Variants in SPATA17 observed in about 807,000 individuals in gnomAD.
SPATA17 encodes spermatogenesis-associated protein 17.
In SPATA17, 53 loss-of-function variants were observed where a neutral mutation model predicts 62.2. That is an observed-to-expected ratio of 0.85 (90% CI 0.68 to 1.07). SPATA17 has a LOEUF of 1.07. Among genes scored for constraint, SPATA17 ranks in the 50% least tolerant of loss-of-function variants. SPATA17 has a pLI of 0.00. For synonymous variants in SPATA17, 146 were observed against 146.8 expected, an observed-to-expected ratio of 0.99 and a Z score of 0.04; for missense variants, 466 against 425.5, an observed-to-expected ratio of 1.10 and a Z score of -0.84.
intron 1 of SPATA17, among the ~76,000 whole-genome samples, chr1:217,637,375 A>G (rs1199458587): frequency 6.6e-6 from 1 of 152,130 alleles, no homozygotes; most frequent in Non-Finnish European, 1.5e-5. Flanking sequence ...TAAATTATTA[A>G]GTTTCTGCCG....
intron 8 of SPATA17, among the ~76,000 whole-genome samples, chr1:217,797,930 G>C (rs570772701): frequency 6.6e-6 from 1 of 152,120 alleles, no homozygotes; most frequent in African/African-American, 2.4e-5. Context: ...CTTTTAAGCA[G>C]ATATTCTGGG....
At chr1:217,694,769 T>A (rs1472974588) in intron 5 of SPATA17, among the ~76,000 whole-genome samples, 3 of 148,332 alleles carry the variant, frequency 2.0e-5, no homozygotes, top group African/African-American at 7.4e-5. Context: ...TTTGGCTGGA[T>A]ATGAAATTCT....
chr1:217,750,397 C>A (rs1258583186), intron 6 of SPATA17, among the ~76,000 whole-genome samples: 1 of 151,982 alleles, frequency 6.6e-6, no homozygotes, highest in Non-Finnish European at 1.5e-5. Context: ...GTAATGCATT[C>A]ATGGAATGTC....
At position 217,844,973 on chromosome 1, in the gene SPATA17, A is replaced by G. The variant is rs146383504; in HGVS notation, c.1006-17801A>G. Among the ~76,000 whole-genome samples, 162 of 152,144 alleles carry G rather than the reference A, an allele frequency of 1.1e-3. No homozygotes were observed. The Middle Eastern group carries it at 0.034, about 32-fold the overall frequency. ...CTAATTCAACTTGAAATAGCCAAAT[A>G]CTACATGCATAATGAATTTTAATTC... On this transcript the variant is annotated intron_variant, in intron 9 of 10. Transcript: ENST00000366933.
intron 5 of SPATA17, among the ~76,000 whole-genome samples, chr1:217,719,118 A>G (rs560906767): frequency 6.6e-6 from 1 of 152,352 alleles, no homozygotes; most frequent in Non-Finnish European, 1.5e-5. Context: ...CTAGTGGGCT[A>G]CTAGAACAAT....
At chr1:217,797,673 C>A (rs1167587590) in intron 8 of SPATA17, among the ~76,000 whole-genome samples, 1 of 152,234 alleles carries the variant, frequency 6.6e-6, no homozygotes, top group African/African-American at 2.4e-5. Flanking sequence ...TAAATTAAAT[C>A]AATGTCATTT....
chr1:217,850,184 G>A (rs997176857), intron 9 of SPATA17, among the ~76,000 whole-genome samples: 8 of 152,242 alleles, frequency 5.3e-5, no homozygotes, highest in South Asian at 2.1e-4. Context: ...AAGTACAGTC[G>A]TGTACAACTT....
chr1:217,656,021 G>T (rs1321716128), intron 3 of SPATA17, among the ~76,000 whole-genome samples: 3 of 151,900 alleles, frequency 2.0e-5, no homozygotes, highest in Non-Finnish European at 4.4e-5. Context: ...GGGATTACAG[G>T]TGCCTCCCCC....
At chr1:217,829,420 G>T (rs1001876012) in intron 9 of SPATA17, among the ~76,000 whole-genome samples, 1 of 151,616 alleles carries the variant, frequency 6.6e-6, no homozygotes, top group African/African-American at 2.4e-5. Flanking sequence ...CTGAGGTCAG[G>T]AGTTCAAGAC....
chr1:217,858,382 T>G (rs1398268317), intron 9 of SPATA17, among the ~76,000 whole-genome samples: 1 of 152,150 alleles, frequency 6.6e-6, no homozygotes, highest in Non-Finnish European at 1.5e-5. Context: ...AAAATACTAG[T>G]GTTAAGAGCC....
chr1:217,821,489 C>T (rs897922452), intron 9 of SPATA17, among the ~76,000 whole-genome samples: 5 of 151,964 alleles, frequency 3.3e-5, no homozygotes, highest in East Asian at 1.9e-4. Context: ...GAAAAAGCCC[C>T]ATAGATTTAG....
At chr1:217,640,731 G>T (rs1017138907) in intron 1 of SPATA17, among the ~76,000 whole-genome samples, 1 of 152,036 alleles carries the variant, frequency 6.6e-6, no homozygotes, top group Non-Finnish European at 1.5e-5. Context: ...CAGTTTAAAA[G>T]AGTGAAACAT....
intron 9 of SPATA17, among the ~76,000 whole-genome samples, chr1:217,809,965 G>T (rs1240863980): frequency 6.6e-6 from 1 of 152,056 alleles, no homozygotes; most frequent in Non-Finnish European, 1.5e-5. Flanking sequence ...ATAAACATTT[G>T]TTGTTTTTAT....
intron 9 of SPATA17, among the ~76,000 whole-genome samples, chr1:217,802,341 T>C (rs921719152): frequency 1.3e-5 from 2 of 152,238 alleles, no homozygotes; most frequent in African/African-American, 4.8e-5. Flanking sequence ...TCATATGCAC[T>C]TTCATAACAG....
intron 5 of SPATA17, among the ~76,000 whole-genome samples, chr1:217,732,500 G>A (rs1162398743): frequency 2.0e-5 from 3 of 152,114 alleles, no homozygotes; most frequent in African/African-American, 7.2e-5. Context: ...TATATGAAAT[G>A]GGAACTGTAG....
chr1:217,837,397 A>T (rs1675285629), intron 9 of SPATA17, among the ~76,000 whole-genome samples: 1 of 152,104 alleles, frequency 6.6e-6, no homozygotes, highest in African/African-American at 2.4e-5. Flanking sequence ...CCCTGCAGGG[A>T]TACATATTAA....
chr1:217,734,281 A>G (rs752856812), intron 5 of SPATA17, among the ~76,000 whole-genome samples: 16 of 152,242 alleles, frequency 1.1e-4, no homozygotes, highest in Non-Finnish European at 2.2e-4. Context: ...ATTGTTAGAG[A>G]TGAAATGTAA....
chr1:217,723,747 G>C (rs1672194380), intron 5 of SPATA17, among the ~76,000 whole-genome samples: 2 of 152,196 alleles, frequency 1.3e-5, no homozygotes, highest in Non-Finnish European at 2.9e-5. Context: ...GCAGACGAGA[G>C]ACCAAAAAAT....
At chr1:217,789,908 G>A (rs533634504) in intron 8 of SPATA17, among the ~76,000 whole-genome samples, 1 of 152,126 alleles carries the variant, frequency 6.6e-6, no homozygotes, top group African/African-American at 2.4e-5. Context: ...GTGGTGGTGG[G>A]CACCTGTAGT....
Sources: gnomAD v4.1 joint callset for allele counts (sites outside exome capture counted in the v4.1 genomes callset) on GRCh38, gnomAD v4.1.1 for gene constraint, MANE v1.5 for transcripts, NCBI Gene and HGNC (gene_info 2026-07-23, HGNC 2026-07-21) for gene names.